ELAVL4: variants seen among roughly 807,000 people sequenced by gnomAD.
ELAVL4 encodes ELAV-like protein 4.
A neutral mutation model predicts 35.6 loss-of-function variants in ELAVL4; 1 was observed. That is an observed-to-expected ratio of 0.03 (90% CI 0.01 to 0.13). ELAVL4 has a LOEUF of 0.13. Among genes scored for constraint, ELAVL4 ranks in the 10% least tolerant of loss-of-function variants. The pLI, the probability that ELAVL4 is intolerant of heterozygous loss-of-function variation, is 1.00. For missense variants in ELAVL4, 267 were observed against 464.9 expected (o/e 0.57, Z 3.91); for synonymous variants, 156 against 171.0 (o/e 0.91, Z 0.69).
rs562985026 is a variant in ELAVL4 at position 50,191,606 on chromosome 1, T to A, written c.355-2159T>A. ...CAAGACCTACAACCTAAAGAGATCA[T>A]CAGCCTAGATGGAGAGGTGGTCAGT... On this transcript the variant is annotated intron_variant, in intron 3 of 6. Transcript: ENST00000371824. 3.9e-4 allele frequency among the ~76,000 whole-genome samples: 60 copies of A among 152,230 alleles called. 3 individuals carry two copies. The South Asian group carries it at 0.012, about 31-fold the overall frequency.
chr1:50,053,835 A>C (rs1663522127), intron 1 of ELAVL4, among the ~76,000 whole-genome samples: 1 of 152,234 alleles, frequency 6.6e-6, no homozygotes, highest in Admixed American at 6.5e-5. Flanking sequence ...GTGGGAAAAA[A>C]AATAGAGTAA....
chr1:50,057,384 A>G (rs1003501764), intron 1 of ELAVL4, among the ~76,000 whole-genome samples: 1 of 152,196 alleles, frequency 6.6e-6, no homozygotes, highest in Admixed American at 6.5e-5. Flanking sequence ...AAACATTTTT[A>G]TAAATTCAGT....
At chr1:50,076,789 G>A (rs1257959526) in intron 1 of ELAVL4, among the ~76,000 whole-genome samples, 1 of 152,120 alleles carries the variant, frequency 6.6e-6, no homozygotes, top group Non-Finnish European at 1.5e-5. Flanking sequence ...GATTATTTAG[G>A]GGTATAATGC....
chr1:50,101,981 G>A (rs1043394178), upstream of ELAVL4, among the ~76,000 whole-genome samples: 1 of 152,166 alleles, frequency 6.6e-6, no homozygotes, highest in African/African-American at 2.4e-5. Flanking sequence ...GTTTTCATTT[G>A]TGCTTTAGAA....
chr1:50,191,283 G>C (rs1682623560), intron 3 of ELAVL4, among the ~76,000 whole-genome samples: 1 of 152,068 alleles, frequency 6.6e-6, no homozygotes. Flanking sequence ...CTCTATGTGA[G>C]GTCTAGTCCT....
chr1:50,099,115 G>A (rs1353283371), upstream of ELAVL4, among the ~76,000 whole-genome samples: 1 of 152,194 alleles, frequency 6.6e-6, no homozygotes, highest in Non-Finnish European at 1.5e-5. Context: ...TAAGCAGTTG[G>A]TTCAAAAGTT....
intron 1 of ELAVL4, among the ~76,000 whole-genome samples, chr1:50,111,887 G>A (rs1462046757): frequency 6.6e-6 from 1 of 152,022 alleles, no homozygotes; most frequent in African/African-American, 2.4e-5. Context: ...AGGAGATAGC[G>A]TAAAAACAAT....
chr1:50,057,807 C>A (rs1663758043), intron 1 of ELAVL4, among the ~76,000 whole-genome samples: 1 of 152,150 alleles, frequency 6.6e-6, no homozygotes, highest in Non-Finnish European at 1.5e-5. Context: ...CATTGTTAAG[C>A]AACACGTGAC....
rs1262158091 is a variant in ELAVL4, at chr1:50,203,485, C to T, written c.*2307C>T. ...TTTTACGTCACCTGCTATGAATGAA[C>T]GTAGTTTGCTGGCAAAGTTTTGATG... is the stretch of plus-strand genomic sequence containing the variant. On this transcript the variant is annotated 3_prime_UTR_variant, in exon 7 of 7. Transcript: ENST00000371824. The T allele has an allele frequency of 6.6e-6, 1 of 151,304 alleles. No homozygotes were observed. 9.4% of individuals were successfully genotyped at this position (151,304 alleles called of 1,614,324 possible). A position where few individuals can be genotyped will look rare whatever the true frequency, so the allele number is the denominator to read the frequency against.
At chr1:50,184,065 C>T (rs1424385891) in intron 3 of ELAVL4, among the ~76,000 whole-genome samples, 1 of 152,156 alleles carries the variant, frequency 6.6e-6, no homozygotes, top group Admixed American at 6.5e-5. Flanking sequence ...ACGTTTACCC[C>T]AGTTGTGCTA....
At chr1:50,103,126 A>AGTAT (rs1164692049), upstream of ELAVL4, among the ~76,000 whole-genome samples, 4 of 152,200 alleles carry the variant, frequency 2.6e-5, no homozygotes, top group African/African-American at 9.7e-5. Flanking sequence ...AGGAAGATGA[A>AGTAT]GTATGAATCT....
At chr1:50,131,679 A>G (rs1421328119) in intron 1 of ELAVL4, among the ~76,000 whole-genome samples, 1 of 152,028 alleles carries the variant, frequency 6.6e-6, no homozygotes, top group East Asian at 1.9e-4. Flanking sequence ...AGTCCCAGTT[A>G]CTCAGGAGGC....
intron 1 of ELAVL4, among the ~76,000 whole-genome samples, chr1:50,081,910 A>G (rs570726085): frequency 4.0e-4 from 61 of 151,896 alleles, no homozygotes; most frequent in Middle Eastern, 6.8e-3. Context: ...ACTCCCATTT[A>G]TGAGTGAGAA....
intron 2 of ELAVL4, among the ~76,000 whole-genome samples, chr1:50,156,506 G>C (rs929355454): frequency 1.3e-5 from 2 of 152,138 alleles, no homozygotes; most frequent in Admixed American, 6.5e-5. Flanking sequence ...TCAATCCTAG[G>C]TTATGTAATT....
intron 1 of ELAVL4, among the ~76,000 whole-genome samples, chr1:50,076,457 T>C (rs1371675036): frequency 2.0e-5 from 3 of 152,222 alleles, no homozygotes. Context: ...AATTAAATGT[T>C]ATCATAGGTA....
chr1:50,164,381 A>T (rs2148772832), intron 2 of ELAVL4, among the ~76,000 whole-genome samples: 1 of 152,298 alleles, frequency 6.6e-6, no homozygotes, highest in East Asian at 1.9e-4. Flanking sequence ...ATTATTAGAA[A>T]GTTATCCTTT....
At position 50,109,015 on chromosome 1, in the gene ELAVL4, T is replaced by TCGGGC; in HGVS notation, c.-174_-173insGGGCC. On this transcript the variant is annotated 5_prime_UTR_variant, in exon 1 of 7. Transcript: ENST00000371824. ...GCTCCTTTTCTTTTTTTTCTTTCTC[T>TCGGGC]CCCCCGCCCACCCCCCCAAAAATAA... 1.0e-6 allele frequency: 1 copy of TCGGGC among 961,042 alleles called. No individual in the cohort carries two copies. The highest frequency in any genetic ancestry group is 1.2e-6 in the Non-Finnish European group (1 of 816,924). The allele number at this position is 961,042 out of a possible 1,614,324, so 59.5% of individuals were successfully genotyped here. A position where few individuals can be genotyped will look rare whatever the true frequency, so the allele number is the denominator to read the frequency against.
At chr1:50,151,341 G>T (rs1378698714) in intron 2 of ELAVL4, among the ~76,000 whole-genome samples, 1 of 152,138 alleles carries the variant, frequency 6.6e-6, no homozygotes, top group East Asian at 1.9e-4. Context: ...AGCACACAGT[G>T]CATTAAAAAG....
chr1:50,098,358 G>T (rs1264916517), intron 1 of ELAVL4, among the ~76,000 whole-genome samples: 1 of 152,062 alleles, frequency 6.6e-6, no homozygotes, highest in Admixed American at 6.6e-5. Context: ...TGATAACTTG[G>T]TTAAAAAAAT....
Sources: gnomAD v4.1 joint callset for allele counts (sites outside exome capture counted in the v4.1 genomes callset) on GRCh38, gnomAD v4.1.1 for gene constraint, MANE v1.5 for transcripts, NCBI Gene and HGNC (gene_info 2026-07-23, HGNC 2026-07-21) for gene names.